The following PCDHA11 variants were observed in gnomAD, a reference collection of about 807,000 sequenced individuals.
PCDHA11 encodes protocadherin alpha-11.
In PCDHA11, 61 loss-of-function variants were observed where a neutral mutation model predicts 70.3. The observed-to-expected ratio is 0.87, with a 90% CI of 0.71 to 1.07. The LOEUF is 1.07. Among genes scored for constraint, PCDHA11 ranks in the 50% least tolerant of loss-of-function variants. The pLI is 0.00. For missense variants in PCDHA11, 1,324 were observed against 1,237.5 expected (o/e 1.07, Z -1.05); for synonymous variants, 633 against 555.1 (o/e 1.14, Z -1.97).
At chr5:140,883,244 G>C in intron 1 of PCDHA11, 3 of 1,614,014 alleles carry the variant, frequency 1.9e-6, no homozygotes, top group Non-Finnish European at 2.5e-6. Context: ...AGTTGACAAA[G>C]GAAATATTCC....
In PCDHA11 at chr5:140,986,391, G is replaced by A. The variant is rs144915625; in HGVS notation, c.2539+3828G>A. Among the ~76,000 whole-genome samples, 1,153 of 152,256 alleles carry A rather than the reference G, an allele frequency of 7.6e-3. 6 individuals are homozygous for A. Among genetic ancestry groups the A allele is most frequent in the Middle Eastern group, 0.014 (4 of 294 alleles). ...GTTTTGGGGGGAGGGACATTAAAGG[G>A]CCAGTCGCTCATGTTACAGCTCTTT... On this transcript the variant is annotated intron_variant, in intron 3 of 3. Transcript: ENST00000398640.
rs782250124 is a variant in PCDHA11, at chr5:140,870,603, C to G, written c.1500C>G (p.Asp500Glu). 14 of 1,613,222 alleles carry G rather than the reference C, an allele frequency of 8.7e-6. No individual in the cohort carries two copies. In the Middle Eastern group the frequency reaches 5.0e-4, roughly 58 times the overall value. Residue 500 changes from aspartate to glutamate, a missense_variant, in exon 1 of 4, where the codon GAC becomes GAG. Coordinates refer to ENST00000398640, the MANE Select transcript of PCDHA11 (RefSeq NM_018902.5). ...SYSLVERRLGDRALSSYVSVH... is the reference protein window; with the variant it reads ...SYSLVERRLGERALSSYVSVH... ...CGCTGGTGGAGCGGCGGTTGGGCGA[C>G]CGCGCGCTGTCGAGCTACGTGTCGG...
At chr5:140,920,381 A>G (rs887594411) in intron 1 of PCDHA11, among the ~76,000 whole-genome samples, 1 of 152,164 alleles carries the variant, frequency 6.6e-6, no homozygotes, top group Non-Finnish European at 1.5e-5. Flanking sequence ...GTGGATTCAT[A>G]TTACCATCTG....
intron 1 of PCDHA11, among the ~76,000 whole-genome samples, chr5:140,920,841 T>TAAAA (rs781921146): frequency 7.3e-5 from 8 of 109,222 alleles, no homozygotes; most frequent in African/African-American, 1.0e-4. Flanking sequence ...AGACCAAATC[T>TAAAA]AAAAAAAAAA....
chr5:140,992,258 A>G (rs1316409303), intron 3 of PCDHA11, among the ~76,000 whole-genome samples: 1 of 152,168 alleles, frequency 6.6e-6, no homozygotes, highest in African/African-American at 2.4e-5. Flanking sequence ...GCTAAAGATG[A>G]AAGTTCTTTT....
intron 3 of PCDHA11, among the ~76,000 whole-genome samples, chr5:140,994,546 A>T (rs1168797848): frequency 6.6e-6 from 1 of 152,066 alleles, no homozygotes; most frequent in Non-Finnish European, 1.5e-5. Context: ...CTACAAAAAA[A>T]ATATAAAAAT....
intron 1 of PCDHA11, among the ~76,000 whole-genome samples, chr5:140,901,384 T>C (rs2068629478): frequency 6.6e-6 from 1 of 152,226 alleles, no homozygotes. Flanking sequence ...TAATTCAATA[T>C]TTGTATATGG....
At chr5:140,884,022 T>G (rs2059946002) in intron 1 of PCDHA11, 1 of 1,613,028 alleles carries the variant, frequency 6.2e-7, no homozygotes, top group Non-Finnish European at 8.5e-7. Context: ...CCGCGGTCGG[T>G]GGGTGCAGGC....
intron 3 of PCDHA11, among the ~76,000 whole-genome samples, chr5:141,002,367 A>T (rs2098076282): frequency 6.6e-6 from 1 of 152,248 alleles, no homozygotes; most frequent in African/African-American, 2.4e-5. Context: ...CTTTCAACTC[A>T]TTCTGGCTTA....
chr5:140,994,272 CT>C (rs1359828811), intron 3 of PCDHA11, among the ~76,000 whole-genome samples: 4 of 152,168 alleles, frequency 2.6e-5, no homozygotes, highest in African/African-American at 9.7e-5. Flanking sequence ...GCTAGGCTGC[CT>C]TTCTTGAGAC....
At chr5:140,876,215 A>G in intron 1 of PCDHA11, 1 of 1,614,008 alleles carries the variant, frequency 6.2e-7, no homozygotes, top group South Asian at 1.1e-5. Context: ...CCCAGCTATA[A>G]AGTAGTGTTG....
chr5:140,876,979 G>A (rs1554169178), intron 1 of PCDHA11: 2 of 1,612,614 alleles, frequency 1.2e-6, no homozygotes, highest in South Asian at 2.2e-5. Flanking sequence ...GGGCGAGCAC[G>A]CACTGTCGAG....
chr5:140,987,536 A>G (rs555442118), intron 3 of PCDHA11, among the ~76,000 whole-genome samples: 126 of 152,290 alleles, frequency 8.3e-4, no homozygotes, highest in Non-Finnish European at 1.6e-3. Context: ...TCCTGGGACC[A>G]TTACTTAACT....
chr5:140,884,150 A>G (rs782776110), intron 1 of PCDHA11: 14 of 1,613,346 alleles, frequency 8.7e-6, no homozygotes, highest in Non-Finnish European at 1.1e-5. Context: ...GGGGCTGTAC[A>G]CTGGCGAGAT....
At chr5:140,875,242 T>A in intron 1 of PCDHA11, 1 of 943,028 alleles carries the variant, frequency 1.1e-6, no homozygotes, top group Non-Finnish European at 1.5e-6. Flanking sequence ...TGTACTTACA[T>A]AATCAGTCAC....
intron 1 of PCDHA11, chr5:140,884,367 T>G (rs2060126363): frequency 1.2e-6 from 2 of 1,613,928 alleles, no homozygotes; most frequent in Middle Eastern, 3.3e-4. Context: ...AATGTTTACT[T>G]GATCATTGCC....
chr5:140,883,467 CCTACAAGAA>C (rs1554178369), intron 1 of PCDHA11: 1 of 1,614,170 alleles, frequency 6.2e-7, no homozygotes, highest in East Asian at 2.2e-5. Flanking sequence ...CTGGTGTCCA[CCTACAAGAA>C]CTACTACTCA....
chr5:140,887,454 T>A (rs1234442880), intron 1 of PCDHA11, among the ~76,000 whole-genome samples: 5 of 152,178 alleles, frequency 3.3e-5, no homozygotes, highest in Non-Finnish European at 7.3e-5. Context: ...GACAGTTTTT[T>A]AAAAGATATA....
rs782375084 is a variant in PCDHA11, at chr5:140,869,868, T to A, written c.765T>A (p.Ala255=). 1.2e-6 allele frequency: 2 copies of A among 1,610,492 alleles called. No homozygotes were observed. Among genetic ancestry groups the A allele is most frequent in the African/African-American group, 2.7e-5 (2 of 74,996 alleles). The part of the protein sequence containing the change: ...SEYKVSLMEN[A]AKETLVLKLN... ...ATAAGGTGAGCCTTATGGAAAATGC[T>A]GCTAAAGAAACTCTTGTGCTCAAAC... The change falls in exon 1 of 4, where the codon GCT becomes GCA. Residue 255 remains alanine, a synonymous_variant. Coordinates refer to ENST00000398640, the MANE Select transcript of PCDHA11 (RefSeq NM_018902.5).
Sources: allele counts gnomAD v4.1 joint callset (sites outside exome capture counted in the v4.1 genomes callset), GRCh38; gene constraint gnomAD v4.1.1; transcripts MANE v1.5; gene names NCBI Gene and HGNC (gene_info 2026-07-23, HGNC 2026-07-21).